Variants in METTL16 observed in about 807,000 individuals in gnomAD.
METTL16 encodes the protein methyltransferase 16, RNA N6-adenosine.
METTL16 carries 19 observed loss-of-function variants against 57.9 expected under a neutral mutation model. The ratio of observed to expected loss-of-function variants is 0.33; its 90% confidence interval spans 0.23 to 0.48. METTL16 has a LOEUF of 0.48. METTL16 is among the 20% of genes least tolerant of loss of function. The pLI is 0.99. For missense variants in METTL16, 434 were observed against 691.5 expected (o/e 0.63, Z 4.18); for synonymous variants, 246 against 255.6 (o/e 0.96, Z 0.36).
Position 2,420,697 on chromosome 17 carries a change from T to C in METTL16, c.1062+34A>G. 1 of 1,576,950 alleles carries C rather than the reference T, an allele frequency of 6.3e-7. No homozygotes were observed. The highest frequency in any genetic ancestry group is 8.6e-7 in the Non-Finnish European group (1 of 1,163,926). On this transcript the variant is annotated intron_variant, in intron 9 of 9. Transcript: ENST00000263092. This position sits in a 1 kb window ranked among gnomAD's most constrained non-coding sequence, Gnocchi z 5.4. ...AAAAAAGAAAAAAGAGAAGGATCAT[T>C]ATGAGTACTTCGTCAATATGGTTAA...
At chr17:2,489,122 A>AT (rs1451512120) in intron 2 of METTL16, among the ~76,000 whole-genome samples, 9 of 131,690 alleles carry the variant, frequency 6.8e-5, no homozygotes, top group South Asian at 2.4e-4. Flanking sequence ...TTTTTTTTTT[A>AT]TTTTTTTTTA....
chr17:2,428,394 T>A (rs1202450411), intron 8 of METTL16, among the ~76,000 whole-genome samples: 1 of 151,404 alleles, frequency 6.6e-6, no homozygotes, highest in Admixed American at 6.6e-5. Flanking sequence ...CCAAAGGCGG[T>A]TAACTGTGCC....
rs1395429429 is a variant in METTL16 at position 2,496,739 on chromosome 17, T to C, written c.128+5465A>G. On this transcript the variant is annotated intron_variant, in intron 2 of 9. Transcript: ENST00000263092. ...CCCCAATGCCAACAGTGTTAGGAGGTGGGACCTAGTGGGAGAGGTTTAGGT... is the reference window on the plus strand; with the variant it reads ...CCCCAATGCCAACAGTGTTAGGAGGCGGGACCTAGTGGGAGAGGTTTAGGT... Among the ~76,000 whole-genome samples the C allele has an allele frequency of 1.3e-5, 2 of 151,502 alleles. 1 individual carries two copies. Among genetic ancestry groups the C allele is most frequent in the African/African-American group, 4.9e-5 (2 of 40,868 alleles).
chr17:2,451,883 C>T (rs2067073115), intron 6 of METTL16, among the ~76,000 whole-genome samples: 1 of 152,022 alleles, frequency 6.6e-6, no homozygotes, highest in South Asian at 2.1e-4. Context: ...TGGTGGCTCA[C>T]ATCTGTAACC....
At chr17:2,466,793 T>G (rs552526472) in intron 5 of METTL16, among the ~76,000 whole-genome samples, 1 of 152,298 alleles carries the variant, frequency 6.6e-6, no homozygotes, top group Admixed American at 6.5e-5. Context: ...ATTGTTATTT[T>G]TTTTTGTTTT....
At chr17:2,467,960 G>C in intron 4 of METTL16, 84 bp from the exon 5 acceptor site, 4 of 893,868 alleles carry the variant, frequency 4.5e-6, no homozygotes, top group Non-Finnish European at 7.4e-6. Context: ...ATGATTCTTT[G>C]GTCAACTGCA....
intron 2 of METTL16, among the ~76,000 whole-genome samples, chr17:2,489,623 C>T (rs1384173058): frequency 6.8e-6 from 1 of 147,790 alleles, no homozygotes; most frequent in Non-Finnish European, 1.5e-5. Flanking sequence ...CCTGTAACCC[C>T]AGCTACTAAG....
At chr17:2,463,564 C>T (rs769487153) in intron 6 of METTL16, among the ~76,000 whole-genome samples, 21 of 151,956 alleles carry the variant, frequency 1.4e-4, no homozygotes, top group Non-Finnish European at 2.6e-4. Context: ...TGGGTTCAAG[C>T]GATTCTCCTG....
chr17:2,493,074 T>C (rs1043712536), intron 2 of METTL16, among the ~76,000 whole-genome samples: 12 of 151,798 alleles, frequency 7.9e-5, no homozygotes, highest in Non-Finnish European at 1.5e-5. Context: ...AGGTCTAATG[T>C]TTTGTGTGAC....
At chr17:2,431,680 T>C (rs1374416410) in intron 8 of METTL16, among the ~76,000 whole-genome samples, 1 of 152,156 alleles carries the variant, frequency 6.6e-6, no homozygotes, top group Admixed American at 6.5e-5. Flanking sequence ...AGTTCTCTAA[T>C]AACTAATGAG....
intron 6 of METTL16, among the ~76,000 whole-genome samples, chr17:2,449,770 A>G (rs578006012): frequency 6.6e-6 from 1 of 152,358 alleles, no homozygotes; most frequent in African/African-American, 2.4e-5. Context: ...CTGGGAGGAA[A>G]TACTTGCAAA....
intron 2 of METTL16, among the ~76,000 whole-genome samples, chr17:2,483,990 C>T (rs766396253): frequency 6.6e-6 from 1 of 152,178 alleles, no homozygotes; most frequent in Non-Finnish European, 1.5e-5. Context: ...CTGCTAAACA[C>T]ACAAAAGGAA....
chr17:2,502,316 A>G lies in METTL16; in HGVS notation c.16T>C (p.Ser6Pro), dbSNP rs761469233. Reference protein sequence around the residue: MALSKSMHARNRYKDK... With the variant: MALSKPMHARNRYKDK... ...TTGTATCTATTTCTTGCATGCATTG[A>G]TTTACTCAGAGCCATCTTAAGGAGA... is the stretch of plus-strand genomic sequence containing the variant. Residue 6 changes from serine (S) to proline (P), a missense_variant, in exon 2 of 10, where the codon TCA becomes CCA. Ser to Pro is a moderately conservative substitution (Grantham distance 74, BLOSUM62 -1). Coordinates refer to ENST00000263092, the MANE Select transcript of METTL16 (RefSeq NM_024086.4). The G allele has an allele frequency of 1.9e-5, 30 of 1,613,424 alleles. No individual in the cohort carries two copies. Among genetic ancestry groups the G allele is most frequent in the Non-Finnish European group, 2.5e-5 (30 of 1,179,882 alleles).
At position 2,418,167 on chromosome 17, in the gene METTL16, T is replaced by C. The variant is rs1028434981; in HGVS notation, c.*1803A>G. 2 of 149,338 alleles carry C rather than the reference T, an allele frequency of 1.3e-5. No homozygotes were observed. Among genetic ancestry groups the C allele is most frequent in the African/African-American group, 5.0e-5 (2 of 40,008 alleles). 9.3% of individuals were successfully genotyped at this position (149,338 alleles called of 1,614,324 possible). ...TGACCCCTTTGTCTGTGTCTGAGGG[T>C]TCTGGGAACCCTCTCTCCAGGAAAA... On this transcript the variant is annotated 3_prime_UTR_variant, in exon 10 of 10. Coordinates refer to ENST00000263092, the MANE Select transcript of METTL16 (RefSeq NM_024086.4).
chr17:2,510,334 T>C (rs757109525), intron 1 of METTL16, among the ~76,000 whole-genome samples: 47 of 152,214 alleles, frequency 3.1e-4, no homozygotes, highest in Middle Eastern at 3.2e-3. Flanking sequence ...TTTTGAAATA[T>C]ACATTGTTGC....
chr17:2,459,450 G>A (rs187606108), intron 6 of METTL16, among the ~76,000 whole-genome samples: 2 of 152,172 alleles, frequency 1.3e-5, no homozygotes, highest in Non-Finnish European at 2.9e-5. Context: ...CAGGGGAGGC[G>A]AGGCATCACA....
At position 2,417,999 on chromosome 17, in the gene METTL16, G is replaced by C. The variant is rs2066733080; in HGVS notation, c.*1971C>G. The C allele has an allele frequency of 6.6e-6, 1 of 152,160 alleles. No individual in the cohort carries two copies. The highest frequency in any genetic ancestry group is 1.9e-4 in the East Asian group (1 of 5,200). The allele number at this position is 152,160 out of a possible 1,614,324, so 9.4% of individuals were successfully genotyped here. The stretch of plus-strand genomic sequence containing the variant: ...TAAGGACAGTGGGGTGGTGTGGGCT[G>C]GCACAGCAGAAAATTTCTAGACCAG... On this transcript the variant is annotated 3_prime_UTR_variant, in exon 10 of 10. Coordinates refer to ENST00000263092, the MANE Select transcript of METTL16 (RefSeq NM_024086.4).
chr17:2,468,992 C>T (rs955130584), intron 4 of METTL16, among the ~76,000 whole-genome samples: 14 of 151,188 alleles, frequency 9.3e-5, no homozygotes, highest in African/African-American at 2.0e-4. Flanking sequence ...TCCAACACTT[C>T]GGGAGGCCGA....
In METTL16 at chr17:2,418,197, T is replaced by C. The variant is rs201231406; in HGVS notation, c.*1773A>G. The C allele has an allele frequency of 1.3e-5, 2 of 149,620 alleles. No individual in the cohort carries two copies. Among genetic ancestry groups the C allele is most frequent in the Non-Finnish European group, 3.0e-5 (2 of 67,256 alleles). 9.3% of individuals were successfully genotyped at this position (149,620 alleles called of 1,614,324 possible). On this transcript the variant is annotated 3_prime_UTR_variant, in exon 10 of 10. Coordinates refer to ENST00000263092, the MANE Select transcript of METTL16 (RefSeq NM_024086.4). Reference sequence around the variant, plus strand: ...GGAACCCTCTCTCCAGGAAAAAAAATACACACACACACACACACACACACA... The same window carrying C: ...GGAACCCTCTCTCCAGGAAAAAAAACACACACACACACACACACACACACA...
Sources: allele counts gnomAD v4.1 joint callset (sites outside exome capture counted in the v4.1 genomes callset), GRCh38; gene constraint gnomAD v4.1.1; non-coding constraint Gnocchi (gnomAD v3.1); transcripts MANE v1.5; gene names NCBI Gene and HGNC (gene_info 2026-07-23, HGNC 2026-07-21).